Variants in GALNT13 observed in about 807,000 individuals in gnomAD.
The protein encoded by GALNT13 is polypeptide N-acetylgalactosaminyltransferase 13.
In GALNT13, 28 loss-of-function variants were observed where a neutral mutation model predicts 64.2. The ratio of observed to expected loss-of-function variants is 0.44; its 90% CI spans 0.32 to 0.60. The LOEUF (loss-of-function observed/expected upper bound fraction) is 0.60, where lower values mean the gene tolerates loss of function less well. GALNT13 is among the 20% of genes least tolerant of loss of function. The probability of loss-of-function intolerance (pLI) is 0.05; values close to 1 mark genes in which losing one functional copy is unlikely to be tolerated. For missense variants in GALNT13, 577 were observed against 669.8 expected (o/e 0.86, Z 1.53); for synonymous variants, 214 against 224.6 (o/e 0.95, Z 0.42).
intron 3 of GALNT13, among the ~76,000 whole-genome samples, chr2:153,955,307 G>A (rs1692485148): frequency 6.6e-6 from 1 of 152,148 alleles, no homozygotes; most frequent in Non-Finnish European, 1.5e-5. Flanking sequence ...AAAACAGAAA[G>A]TGGTACCTGC....
chr2:153,988,423 C>G (rs1057163340), intron 3 of GALNT13, among the ~76,000 whole-genome samples: 6 of 151,958 alleles, frequency 3.9e-5, no homozygotes, highest in Non-Finnish European at 8.8e-5. Flanking sequence ...ACAATGCAGT[C>G]TTTGTCTTTT....
At chr2:153,304,588 G>A in the GALNT13 span, among the ~76,000 whole-genome samples, 1 of 152,160 alleles carries the variant, frequency 6.6e-6, no homozygotes, top group African/African-American at 2.4e-5. Context: ...CAGAATTATT[G>A]TGACTTATGA....
chr2:153,813,759 T>C, the GALNT13 span, among the ~76,000 whole-genome samples: 168 of 152,372 alleles, frequency 1.1e-3, no homozygotes, highest in African/African-American at 3.7e-3. Context: ...CAGAAATCTA[T>C]TGATATAGCA....
chr2:153,803,644 A>T, the GALNT13 span, among the ~76,000 whole-genome samples: 1 of 149,900 alleles, frequency 6.7e-6, no homozygotes, highest in South Asian at 2.1e-4. Flanking sequence ...GTGAGCGGAG[A>T]TAGCGCCACT....
At chr2:153,568,666 A>G in the GALNT13 span, among the ~76,000 whole-genome samples, 1 of 152,182 alleles carries the variant, frequency 6.6e-6, no homozygotes, top group Non-Finnish European at 1.5e-5. Context: ...TGCAAATATC[A>G]CAAGTGTACA....
At position 154,409,066 on chromosome 2, in the gene GALNT13, G is replaced by A; in HGVS notation, c.1379G>A (p.Gly460Asp). Residue 460 changes from glycine to aspartate, a missense_variant, in exon 11 of 13, where the codon GGT becomes GAT. This residue lies in a region of GALNT13 where 232 missense variants were observed against 270.6 expected (regional missense o/e 0.86). Transcript: ENST00000392825. ...AAAGTGGGTATATTCAACTGTCATG[G>A]TATGGGAGGAAATCAGGTAAACTCT... ...NEKVGIFNCH[G>D]MGGNQVFSYT... The A allele has an allele frequency of 1.9e-6, 3 of 1,605,776 alleles. No individual in the cohort carries two copies. Among genetic ancestry groups the A allele is most frequent in the Non-Finnish European group, 2.6e-6 (3 of 1,172,950 alleles).
the GALNT13 span, among the ~76,000 whole-genome samples, chr2:153,656,718 A>T: frequency 6.6e-6 from 1 of 152,082 alleles, no homozygotes; most frequent in African/African-American, 2.4e-5. Context: ...GTCAAGAAAA[A>T]GTTCTATCAT....
chr2:153,847,453 G>T, the GALNT13 span, among the ~76,000 whole-genome samples: 1 of 151,806 alleles, frequency 6.6e-6, no homozygotes, highest in African/African-American at 2.4e-5. Flanking sequence ...GTAAAAAAGA[G>T]TGGAAATATA....
At chr2:154,298,737 A>ACATTGTATATACAATGTATATATAAATT (rs1559076134) in intron 8 of GALNT13, among the ~76,000 whole-genome samples, 1 of 82,970 alleles carries the variant, frequency 1.2e-5, no homozygotes, top group African/African-American at 4.1e-5. Flanking sequence ...ATTTATATAT[A>ACATTGTATATACAATGTATATATAAATT]GTATATATAA....
the GALNT13 span, among the ~76,000 whole-genome samples, chr2:153,699,062 A>G: frequency 1.3e-5 from 2 of 152,260 alleles, no homozygotes; most frequent in African/African-American, 4.8e-5. Flanking sequence ...ATCTCTACTA[A>G]AAATTACAAA....
the GALNT13 span, among the ~76,000 whole-genome samples, chr2:153,775,773 G>T: frequency 1.3e-5 from 2 of 152,024 alleles, no homozygotes; most frequent in Non-Finnish European, 2.9e-5. Flanking sequence ...CATCTTTCTA[G>T]AGCCTTCTTT....
rs551495368 is a variant in GALNT13, at chr2:154,340,358, G to T, written c.1156+38769G>T. Among the ~76,000 whole-genome samples the T allele has an allele frequency of 1.4e-3, 219 of 152,152 alleles. 1 individual carries two copies. The highest frequency in any genetic ancestry group is 2.7e-3 in the Non-Finnish European group (182 of 67,998). On this transcript the variant is annotated intron_variant, in intron 9 of 12. Coordinates refer to ENST00000392825, the MANE Select transcript of GALNT13 (RefSeq NM_052917.4). ...CCCACTTCAGCCTTTCCTGTAGCTGGGAACTACAGGTGCATGCCACTGTGC... is the reference window on the plus strand; with the variant it reads ...CCCACTTCAGCCTTTCCTGTAGCTGTGAACTACAGGTGCATGCCACTGTGC...
chr2:153,579,936 T>C, the GALNT13 span, among the ~76,000 whole-genome samples: 2 of 152,136 alleles, frequency 1.3e-5, no homozygotes, highest in Non-Finnish European at 2.9e-5. Flanking sequence ...GTCCCAGGTG[T>C]CAAAAAGGTT....
At chr2:153,428,379 G>A in the GALNT13 span, among the ~76,000 whole-genome samples, 63 of 152,192 alleles carry the variant, frequency 4.1e-4, no homozygotes, top group Middle Eastern at 6.8e-3. Flanking sequence ...AGCACCACAT[G>A]CTTTTAAAGA....
the GALNT13 span, among the ~76,000 whole-genome samples, chr2:153,139,169 T>G: frequency 6.6e-6 from 1 of 152,032 alleles, no homozygotes; most frequent in East Asian, 1.9e-4. Flanking sequence ...CTTTCTGAAA[T>G]AAAATGGTGG....
chr2:154,050,561 C>G (rs1163809204), intron 3 of GALNT13, among the ~76,000 whole-genome samples: 1 of 151,810 alleles, frequency 6.6e-6, no homozygotes, highest in African/African-American at 2.4e-5. Context: ...TTTCTTTTAA[C>G]AAGGCTTTGA....
At chr2:153,650,268 C>T in the GALNT13 span, among the ~76,000 whole-genome samples, 1 of 152,170 alleles carries the variant, frequency 6.6e-6, no homozygotes, top group East Asian at 1.9e-4. Context: ...TCTGTTTTAT[C>T]AGAGACTAGG....
At chr2:153,112,475 A>G in the GALNT13 span, among the ~76,000 whole-genome samples, 4 of 151,244 alleles carry the variant, frequency 2.6e-5, no homozygotes, top group Non-Finnish European at 4.4e-5. Context: ...CTGACATTTT[A>G]GTCCCCCATC....
chr2:153,123,494 G>A, the GALNT13 span, among the ~76,000 whole-genome samples: 2 of 152,184 alleles, frequency 1.3e-5, no homozygotes, highest in Non-Finnish European at 2.9e-5. Flanking sequence ...AATGAAATAA[G>A]AAGTAATAAA....
Sources: allele counts gnomAD v4.1 joint callset (sites outside exome capture counted in the v4.1 genomes callset), GRCh38; gene constraint gnomAD v4.1.1; regional missense constraint gnomAD v4.1.1; transcripts MANE v1.5; gene names NCBI Gene and HGNC (gene_info 2026-07-23, HGNC 2026-07-21).